The following DYNC2I2 variants were observed in gnomAD, a reference collection of about 807,000 sequenced individuals.
The protein encoded by DYNC2I2 is dynein 2 intermediate chain 2, also known as cytoplasmic dynein 2 intermediate chain 2.
Under a neutral mutation model 52.0 loss-of-function variants are expected in DYNC2I2, and 39 were observed. The ratio of observed to expected loss-of-function variants is 0.75; its 90% CI spans 0.58 to 0.98. The LOEUF (loss-of-function observed/expected upper bound fraction) is 0.98. Among genes scored for constraint, DYNC2I2 ranks in the 50% least tolerant of loss-of-function variants. The pLI is 0.00. For missense variants in DYNC2I2, 743 were observed against 728.4 expected (o/e 1.02, Z -0.23); for synonymous variants, 359 against 321.1 (o/e 1.12, Z -1.26).
rs1860357033 is a variant in DYNC2I2, at chr9:128,635,001, G to A, written c.982-80C>T. 5.0e-6 allele frequency: 8 copies of A among 1,586,426 alleles called. No individual in the cohort carries two copies. The South Asian group carries it at 5.7e-5, about 11-fold the overall frequency. ...CCCAACAGAGCCAGAGAACAGGAGG[G>A]GAGATCACAGCAAGTCAGGCCCACT... On this transcript the variant is annotated intron_variant, in intron 6 of 8. Transcript: ENST00000372715.
Position 128,635,449 on chromosome 9 carries a change from T to C in DYNC2I2, c.814-190A>G, listed in dbSNP as rs546100628. 454 of 758,752 alleles carry C rather than the reference T, an allele frequency of 6.0e-4. 1 individual carries two copies. The African/African-American group carries it at 6.9e-3, about 12-fold the overall frequency. 47.0% of individuals were successfully genotyped at this position (758,752 alleles called of 1,614,324 possible). A position where few individuals can be genotyped will look rare whatever the true frequency, so the allele number is the denominator to read the frequency against. Reference sequence around the variant, plus strand: ...CTCTCCAGTCCCAGAATCCCAGCGCTGCTCACTCGGTGCCTGCAGAGGAGG... The same window carrying C: ...CTCTCCAGTCCCAGAATCCCAGCGCCGCTCACTCGGTGCCTGCAGAGGAGG... On this transcript the variant is annotated intron_variant, in intron 5 of 8. Coordinates refer to ENST00000372715, the MANE Select transcript of DYNC2I2 (RefSeq NM_052844.4).
At position 128,656,757 on chromosome 9, in the gene DYNC2I2, A is replaced by C; in HGVS notation, c.-31T>G. The stretch of plus-strand genomic sequence containing the variant: ...CGGTTCCGCCCTCTCGTGCGGACGC[A>C]CTCAGGCGCGACCTCCGCCCCTACG... On this transcript the variant is annotated 5_prime_UTR_variant, in exon 1 of 9. Transcript: ENST00000372715. 2.3e-6 allele frequency: 3 copies of C among 1,331,524 alleles called. No homozygotes were observed. Among genetic ancestry groups the C allele is most frequent in the Admixed American group, 4.0e-5 (1 of 24,988 alleles). 82.5% of individuals were successfully genotyped at this position (1,331,524 alleles called of 1,614,324 possible).
the DYNC2I2 span, among the ~76,000 whole-genome samples, chr9:128,677,335 A>G: frequency 6.6e-6 from 1 of 152,076 alleles, no homozygotes; most frequent in South Asian, 2.1e-4. Flanking sequence ...AATACAATAA[A>G]CTAGCCAGGC....
chr9:128,647,753 C>T (rs1316851683), intron 1 of DYNC2I2, among the ~76,000 whole-genome samples: 9 of 136,976 alleles, frequency 6.6e-5, no homozygotes, highest in South Asian at 2.3e-4. Context: ...AAAAAAAAAG[C>T]GTTCAGGGGA....
At chr9:128,642,241 C>T (rs533115869) in intron 1 of DYNC2I2, among the ~76,000 whole-genome samples, 39 of 142,336 alleles carry the variant, frequency 2.7e-4, no homozygotes, top group South Asian at 8.8e-4. Flanking sequence ...GAGCCAAGAT[C>T]GTGCCACTAC....
rs200052239 is a variant in DYNC2I2, at chr9:128,634,248, A to T, written c.1350T>A (p.Val450=). ...TACCTTTCCCAGAGGCAGCTGCAAA[A>T]ACCAAGGGCCGCACTGGGGACCAGC... ...AVRWSPVRPL[V]FAAASGKGDV... is the part of the protein sequence containing the mutation. The change falls in exon 8 of 9, where the codon GTT becomes GTA. Residue 450 remains valine, a synonymous_variant. Coordinates refer to ENST00000372715, the MANE Select transcript of DYNC2I2 (RefSeq NM_052844.4). The T allele has an allele frequency of 2.9e-4, 469 of 1,613,812 alleles. 1 individual carries two copies. The East Asian group carries it at 8.7e-3, about 30-fold the overall frequency.
intron 1 of DYNC2I2, among the ~76,000 whole-genome samples, chr9:128,643,442 G>A (rs1860554696): frequency 1.3e-5 from 2 of 151,688 alleles, no homozygotes; most frequent in African/African-American, 2.4e-5. Flanking sequence ...CAGGAGAATC[G>A]CTTGAACTTG....
rs1860216889 is a variant in DYNC2I2 at position 128,633,679 on chromosome 9, T to C, written c.*65A>G. ...TCCCCCAAAGCTTTGCTTTTCTTCA[T>C]TTGGCTTGCGTCAGAAACACAAGGC... On this transcript the variant is annotated 3_prime_UTR_variant, in exon 9 of 9. Transcript: ENST00000372715. 8 of 1,527,196 alleles carry C rather than the reference T, an allele frequency of 5.2e-6. No homozygotes were observed. The highest frequency in any genetic ancestry group is 7.1e-6 in the Non-Finnish European group (8 of 1,126,836). The allele number at this position is 1,527,196 out of a possible 1,614,324, so 94.6% of individuals were successfully genotyped here.
chr9:128,635,083 C>G lies in DYNC2I2; in HGVS notation c.981+9G>C. On this transcript the variant is annotated intron_variant, in intron 6 of 8. Coordinates refer to ENST00000372715, the MANE Select transcript of DYNC2I2 (RefSeq NM_052844.4). The stretch of plus-strand genomic sequence containing the variant: ...CGCAGGCCAGGGCAGTTTCCGGGTG[C>G]CCACGTACCTTCTTGAGCTTGGTGC... The G allele has an allele frequency of 6.2e-7, 1 of 1,605,578 alleles. No homozygotes were observed. The highest frequency in any genetic ancestry group is 8.5e-7 in the Non-Finnish European group (1 of 1,174,978).
the DYNC2I2 span, among the ~76,000 whole-genome samples, chr9:128,671,704 T>A: frequency 6.6e-6 from 1 of 151,490 alleles, no homozygotes; most frequent in East Asian, 1.9e-4. Context: ...CAGGCTGGAG[T>A]GCAGCGGCTC....
chr9:128,679,658 T>G, the DYNC2I2 span, among the ~76,000 whole-genome samples: 1 of 151,512 alleles, frequency 6.6e-6, no homozygotes, highest in Non-Finnish European at 1.5e-5. Context: ...TTTTTGTTTT[T>G]TTTTTTGAGA....
chr9:128,669,950 A>G, the DYNC2I2 span, among the ~76,000 whole-genome samples: 1 of 152,108 alleles, frequency 6.6e-6, no homozygotes, highest in Non-Finnish European at 1.5e-5. Flanking sequence ...CAGTGCTGAA[A>G]TTTCAGGCAT....
At chr9:128,665,552 C>T in the DYNC2I2 span, among the ~76,000 whole-genome samples, 7 of 151,402 alleles carry the variant, frequency 4.6e-5, no homozygotes, top group Admixed American at 2.6e-4. Flanking sequence ...GGTGGATCAC[C>T]GGAGGTCAGG....
chr9:128,674,771 A>T, the DYNC2I2 span, among the ~76,000 whole-genome samples: 1 of 152,016 alleles, frequency 6.6e-6, no homozygotes, highest in South Asian at 2.1e-4. Context: ...CTAGACATGG[A>T]GTTTAGCCAT....
intron 1 of DYNC2I2, 42 bp downstream of exon 1, chr9:128,656,479 GCAGCCGCGCTGCGACCCCGC>G: frequency 8.3e-7 from 1 of 1,205,172 alleles, no homozygotes. Flanking sequence ...AACCCGCCCG[GCAGCCGCGCTGCGACCCCGC>G]CTTCCCGCCC....
chr9:128,668,227 G>A, the DYNC2I2 span, among the ~76,000 whole-genome samples: 3 of 142,372 alleles, frequency 2.1e-5, no homozygotes, highest in African/African-American at 7.9e-5. Context: ...CCAAAGTGCT[G>A]GGATTACAGG....
chr9:128,659,081 C>T (rs1023480500), upstream of DYNC2I2, among the ~76,000 whole-genome samples: 4 of 151,814 alleles, frequency 2.6e-5, no homozygotes, highest in Non-Finnish European at 4.4e-5. Context: ...CCCAAGATTC[C>T]GTCCCTGTAC....
At chr9:128,639,912 C>A (rs1021605914) in intron 2 of DYNC2I2, among the ~76,000 whole-genome samples, 2 of 152,142 alleles carry the variant, frequency 1.3e-5, no homozygotes, top group Non-Finnish European at 2.9e-5. Flanking sequence ...GTGATCCACC[C>A]ACCTTGGCCT....
At chr9:128,684,119 G>C in the DYNC2I2 span, 4 of 830,550 alleles carry the variant, frequency 4.8e-6, no homozygotes, top group Non-Finnish European at 7.5e-6. Flanking sequence ...ACCCCCAAAG[G>C]GTTTTAAACC....
Sources: allele counts gnomAD v4.1 joint callset (sites outside exome capture counted in the v4.1 genomes callset), GRCh38; gene constraint gnomAD v4.1.1; transcripts MANE v1.5; gene names NCBI Gene and HGNC (gene_info 2026-07-23, HGNC 2026-07-21).